The following PCDH15 variants were observed in gnomAD, a reference collection of about 807,000 sequenced individuals.
The protein encoded by PCDH15 is protocadherin-15.
Under a neutral mutation model 178.5 loss-of-function variants are expected in PCDH15, and 129 were observed. The observed-to-expected ratio is 0.72, with a 90% CI of 0.63 to 0.84. The LOEUF is 0.84. PCDH15 is among the 40% of genes least tolerant of loss of function. PCDH15 has a pLI of 0.00. For synonymous variants in PCDH15, 800 were observed against 732.0 expected, an observed-to-expected ratio of 1.09 and a Z score of -1.50; for missense variants, 2,230 against 2,099.9, an observed-to-expected ratio of 1.06 and a Z score of -1.21.
intron 2 of PCDH15, among the ~76,000 whole-genome samples, chr10:55,350,268 T>TATATACAC (rs1327352441): frequency 9.2e-4 from 52 of 56,732 alleles, no homozygotes; most frequent in South Asian, 5.0e-3. Context: ...TATATATATA[T>TATATACAC]ACACACACAC....
chr10:54,610,902 C>T (rs1032746017), intron 2 of PCDH15, among the ~76,000 whole-genome samples: 5 of 151,872 alleles, frequency 3.3e-5, no homozygotes, highest in Middle Eastern at 3.4e-3. Flanking sequence ...GAAATACATA[C>T]AAAATTCATA....
At chr10:54,378,155 G>A (rs1177955775) in intron 4 of PCDH15, among the ~76,000 whole-genome samples, 2 of 151,840 alleles carry the variant, frequency 1.3e-5, no homozygotes, top group Non-Finnish European at 2.9e-5. Flanking sequence ...AAACTCCTGG[G>A]CTCAAGCAGT....
At chr10:55,323,062 G>A (rs536525130), upstream of PCDH15, among the ~76,000 whole-genome samples, 1 of 152,326 alleles carries the variant, frequency 6.6e-6, no homozygotes, top group East Asian at 1.9e-4. Context: ...CCAACTTGAA[G>A]CTCAGGCTTG....
At chr10:54,264,871 GTT>G (rs2057567298) in intron 8 of PCDH15, among the ~76,000 whole-genome samples, 1 of 151,332 alleles carries the variant, frequency 6.6e-6, no homozygotes, top group Non-Finnish European at 1.5e-5. Flanking sequence ...TCTCAATTTT[GTT>G]AGAGATGTTG....
intron 26 of PCDH15, among the ~76,000 whole-genome samples, chr10:53,888,304 A>ATATATATATATATATATG (rs1554845195): frequency 6.3e-4 from 56 of 88,924 alleles, no homozygotes; most frequent in African/African-American, 2.8e-3. Flanking sequence ...ATATATATAT[A>ATATATATATATATATATG]TATATGTATA....
chr10:53,818,821 G>T (rs2076153276), intron 33 of PCDH15, among the ~76,000 whole-genome samples: 1 of 151,924 alleles, frequency 6.6e-6, no homozygotes, highest in Admixed American at 6.6e-5. Context: ...TTATTACAAA[G>T]AGGCACATAT....
intron 15 of PCDH15, among the ~76,000 whole-genome samples, chr10:54,103,365 G>A (rs2094847624): frequency 6.6e-6 from 1 of 152,154 alleles, no homozygotes; most frequent in Non-Finnish European, 1.5e-5. Context: ...CACCCACCTT[G>A]CCTTTGATGG....
At chr10:54,907,535 G>A (rs1050093628) in intron 2 of PCDH15, among the ~76,000 whole-genome samples, 4 of 152,132 alleles carry the variant, frequency 2.6e-5, no homozygotes, top group South Asian at 2.1e-4. Context: ...TGCTCTCTTG[G>A]TCTCTGCCCT....
At chr10:54,634,598 G>A (rs1341665569) in intron 2 of PCDH15, among the ~76,000 whole-genome samples, 2 of 151,620 alleles carry the variant, frequency 1.3e-5, no homozygotes, top group Non-Finnish European at 2.9e-5. Flanking sequence ...CTTACAAGAC[G>A]CTAAAGGAAT....
intron 2 of PCDH15, among the ~76,000 whole-genome samples, chr10:55,121,868 C>G (rs987591308): frequency 3.3e-5 from 5 of 151,780 alleles, no homozygotes; most frequent in Admixed American, 2.6e-4. Context: ...GTAAATCTTC[C>G]AGTGCTTTGA....
chr10:54,225,959 A>C (rs193037628), intron 9 of PCDH15, among the ~76,000 whole-genome samples: 1 of 152,336 alleles, frequency 6.6e-6, no homozygotes, highest in Non-Finnish European at 1.5e-5. Flanking sequence ...GCAGTGTATT[A>C]TTCAGAGTTC....
intron 1 of PCDH15, among the ~76,000 whole-genome samples, chr10:54,675,976 C>A (rs997924489): frequency 6.6e-6 from 1 of 152,076 alleles, no homozygotes; most frequent in Admixed American, 6.6e-5. Context: ...TTAGTTTTAA[C>A]ACTTATTCCT....
intron 8 of PCDH15, among the ~76,000 whole-genome samples, chr10:54,257,573 T>C (rs1285057326): frequency 6.6e-6 from 1 of 152,110 alleles, no homozygotes; most frequent in Non-Finnish European, 1.5e-5. Flanking sequence ...GAGCAAATGA[T>C]GAGATTTTTT....
At chr10:55,547,768 T>C (rs1378854981) in intron 2 of PCDH15, among the ~76,000 whole-genome samples, 1 of 152,004 alleles carries the variant, frequency 6.6e-6, no homozygotes, top group Non-Finnish European at 1.5e-5. Context: ...TACAAGTTCA[T>C]CTAGCTCTCT....
intron 15 of PCDH15, among the ~76,000 whole-genome samples, chr10:54,126,639 T>C (rs2042013793): frequency 6.6e-6 from 1 of 152,104 alleles, no homozygotes; most frequent in South Asian, 2.1e-4. Flanking sequence ...TATAGGGGTA[T>C]AAACACTTTT....
chr10:55,291,933 A>C (rs1370562813), intron 1 of PCDH15, among the ~76,000 whole-genome samples: 2 of 152,134 alleles, frequency 1.3e-5, no homozygotes, highest in African/African-American at 4.8e-5. Flanking sequence ...TCACTATCAC[A>C]AGAACAGTAT....
At chr10:54,649,003 A>G (rs550619157) in intron 2 of PCDH15, among the ~76,000 whole-genome samples, 1 of 152,306 alleles carries the variant, frequency 6.6e-6, no homozygotes, top group South Asian at 2.1e-4. Flanking sequence ...AAACATATTA[A>G]ATGCAAACTA....
At chr10:55,054,229 T>C (rs568337381) in intron 2 of PCDH15, among the ~76,000 whole-genome samples, 36 of 152,282 alleles carry the variant, frequency 2.4e-4, no homozygotes, top group African/African-American at 7.0e-4. Context: ...TCTGTGTGTC[T>C]ATGTGTTTTC....
chr10:54,488,473 C>T (rs749281074), intron 3 of PCDH15, among the ~76,000 whole-genome samples: 2 of 151,322 alleles, frequency 1.3e-5, no homozygotes, highest in Non-Finnish European at 3.0e-5. Flanking sequence ...TGTGTATGGC[C>T]GTCAGATATC....
Sources: allele counts gnomAD v4.1 joint callset (sites outside exome capture counted in the v4.1 genomes callset), GRCh38; gene constraint gnomAD v4.1.1; transcripts MANE v1.5; gene names NCBI Gene and HGNC (gene_info 2026-07-23, HGNC 2026-07-21).